Variants in FNDC3B observed in about 807,000 individuals in gnomAD.
The protein encoded by FNDC3B is fibronectin type III domain containing 3B, also known as fibronectin type III domain-containing protein 3B.
A neutral mutation model predicts 151.5 loss-of-function variants in FNDC3B; 12 were observed. That is an observed-to-expected ratio of 0.08 (90% CI 0.05 to 0.13). The LOEUF is 0.13. FNDC3B is among the 10% of genes least tolerant of loss of function. The pLI is 1.00. For synonymous variants in FNDC3B, 528 were observed against 549.0 expected (o/e 0.96, Z 0.54); for missense variants, 1,214 against 1,505.3 (o/e 0.81, Z 3.20).
In FNDC3B at chr3:172,093,133, A is replaced by G. The variant is rs139787677; in HGVS notation, c.-28-19319A>G. Among the ~76,000 whole-genome samples the G allele has an allele frequency of 3.0e-4, 45 of 150,850 alleles. 1 individual carries two copies. The highest frequency in any genetic ancestry group is 1.0e-3 in the African/African-American group (41 of 41,124). ...GCACCTGGCCAGAATCTTTTTTTAG[A>G]GACAGGATTGTCGCTCTGTTGCTCA... On this transcript the variant is annotated intron_variant, in intron 1 of 25. Transcript: ENST00000415807.
intron 3 of FNDC3B, among the ~76,000 whole-genome samples, chr3:172,166,897 T>A (rs894416243): frequency 2.0e-5 from 3 of 152,204 alleles, no homozygotes; most frequent in Non-Finnish European, 4.4e-5. Context: ...AAGATAATTT[T>A]AAAAAAGAAA....
At chr3:172,134,469 G>T (rs757158607) in intron 3 of FNDC3B, 2 of 485,692 alleles carry the variant, frequency 4.1e-6, no homozygotes, top group Non-Finnish European at 8.3e-6. Flanking sequence ...AATTGAACTG[G>T]AATCTAATCT....
Position 172,249,205 on chromosome 3 carries a change from G to A in FNDC3B, c.508+1429G>A, listed in dbSNP as rs566247547. ...TATCTGAGCTCTGATGACATGAAAG[G>A]CCTTGGTGACTGACTCATTGCTTGC... On this transcript the variant is annotated intron_variant, in intron 5 of 25. Transcript: ENST00000415807. 5.3e-5 allele frequency among the ~76,000 whole-genome samples: 8 copies of A among 152,182 alleles called. No homozygotes were observed. The South Asian group carries it at 1.5e-3, about 28-fold the overall frequency.
rs1733925930 is a variant in FNDC3B, at chr3:172,352,888, T to C, written c.2600T>C (p.Leu867Pro). 1.2e-6 allele frequency: 2 copies of C among 1,614,058 alleles called. No homozygotes were observed. Among genetic ancestry groups the C allele is most frequent in the African/African-American group, 2.7e-5 (2 of 74,928 alleles). The stretch of plus-strand genomic sequence containing the variant: ...TCTGCCCCTGACCCCGTCTCCACTC[T>C]CTGTGTCCTGGAGGAGGAGCCCCTT... ...PASAPDPVST[L>P]CVLEEEPLDA... The change falls in exon 22 of 26, where the codon CTC becomes CCC. Residue 867 changes from leucine to proline, a missense_variant. By Grantham distance (98) the Leu-to-Pro change is moderately conservative. Around this residue, in one of 7 missense-constraint regions of FNDC3B, gnomAD observed 380 missense variants for 420.9 expected, o/e 0.90. Transcript: ENST00000415807. This position sits in a 1 kb window ranked among gnomAD's most constrained non-coding sequence, Gnocchi z 4.2.
At chr3:172,338,902 A>C (rs1733134420) in intron 16 of FNDC3B, among the ~76,000 whole-genome samples, 1 of 151,644 alleles carries the variant, frequency 6.6e-6, no homozygotes, top group Admixed American at 6.6e-5. Context: ...AGGCCGGCTA[A>C]TTTTTTTTGA....
Position 172,251,363 on chromosome 3 carries a change from C to A in FNDC3B, c.612C>A (p.Asn204Lys), listed in dbSNP as rs1233349376. 1 of 1,614,146 alleles carries A rather than the reference C, an allele frequency of 6.2e-7. No individual in the cohort carries two copies. The highest frequency in any genetic ancestry group is 8.5e-7 in the Non-Finnish European group (1 of 1,180,018). Reference protein sequence around the residue: ...KLKDRQIDRQNRLNSPPSSIY... With the variant: ...KLKDRQIDRQKRLNSPPSSIY... ...AAGACCGCCAGATCGATCGCCAGAA[C>A]CGCCTCAACAGCCCTCCTTCTTCTA... Residue 204 changes from asparagine to lysine, a missense_variant, in exon 6 of 26, where the codon AAC becomes AAA. Asn to Lys is a moderately conservative substitution (Grantham distance 94). Coordinates refer to ENST00000415807, the MANE Select transcript of FNDC3B (RefSeq NM_022763.4).
chr3:172,042,460 C>CG (rs1716134245), intron 1 of FNDC3B, among the ~76,000 whole-genome samples: 1 of 152,020 alleles, frequency 6.6e-6, no homozygotes, highest in South Asian at 2.1e-4. Context: ...AAATGAGGCC[C>CG]GGGAAGGGAA....
intron 3 of FNDC3B, among the ~76,000 whole-genome samples, chr3:172,163,505 C>A (rs1722877046): frequency 6.6e-6 from 1 of 152,178 alleles, no homozygotes; most frequent in Admixed American, 6.5e-5. Flanking sequence ...AACACACACA[C>A]ATGCACGCAC....
At chr3:172,100,116 A>G (rs4894805) in intron 1 of FNDC3B, among the ~76,000 whole-genome samples, 100,820 of 152,056 alleles carry the variant, frequency 0.66, 33,644 homozygotes, top group East Asian at 0.78. Flanking sequence ...CATGCCTTTT[A>G]TACCAAAGCT....
intron 3 of FNDC3B, among the ~76,000 whole-genome samples, chr3:172,136,341 T>C (rs1319525692): frequency 6.6e-6 from 1 of 152,190 alleles, no homozygotes; most frequent in Non-Finnish European, 1.5e-5. Flanking sequence ...AAGTGAGATC[T>C]ACTGGTTGAG....
intron 23 of FNDC3B, among the ~76,000 whole-genome samples, chr3:172,375,849 C>T (rs1417616539): frequency 2.6e-5 from 4 of 152,120 alleles, no homozygotes; most frequent in Non-Finnish European, 5.9e-5. Flanking sequence ...TTCCCAAGTT[C>T]CTCTCCATGG....
chr3:172,320,878 G>A (rs1328876640), intron 11 of FNDC3B, among the ~76,000 whole-genome samples: 1 of 152,304 alleles, frequency 6.6e-6, no homozygotes, highest in Non-Finnish European at 1.5e-5. Context: ...AGGATACTAA[G>A]TTAGTAAAGA....
chr3:172,241,511 C>T (rs1727488054), intron 4 of FNDC3B, among the ~76,000 whole-genome samples: 1 of 151,460 alleles, frequency 6.6e-6, no homozygotes, highest in African/African-American at 2.4e-5. Flanking sequence ...GGATGCCTCA[C>T]AATCATGGTA....
intron 17 of FNDC3B, among the ~76,000 whole-genome samples, chr3:172,341,615 AC>A: frequency 6.6e-6 from 1 of 152,192 alleles, no homozygotes; most frequent in Non-Finnish European, 1.5e-5. Flanking sequence ...CACTGCTGTT[AC>A]CACATCTATC....
intron 2 of FNDC3B, among the ~76,000 whole-genome samples, chr3:172,117,388 C>T (rs1720312643): frequency 1.3e-5 from 2 of 152,154 alleles, no homozygotes; most frequent in Non-Finnish European, 1.5e-5. Flanking sequence ...GGTATATTAA[C>T]TTACCTGTGT....
At chr3:172,174,922 TTCCCCCCGCCA>T (rs1560001422) in intron 3 of FNDC3B, among the ~76,000 whole-genome samples, 10 of 40,118 alleles carry the variant, frequency 2.5e-4, no homozygotes, top group African/African-American at 7.9e-4. Flanking sequence ...TTTGGAGACC[TTCCCCCCGCCA>T]CCCCCCCCCC....
Position 172,360,429 on chromosome 3 carries a change from T to A in FNDC3B, c.2796-2204T>A, listed in dbSNP as rs984597762. ...TTCATTCTCTTAGCAGTGCAAAAGT[T>A]TCAAATTTTGATGAAATCCAGTTTT... On this transcript the variant is annotated intron_variant, in intron 22 of 25. Coordinates refer to ENST00000415807, the MANE Select transcript of FNDC3B (RefSeq NM_022763.4). Among the ~76,000 whole-genome samples the A allele has an allele frequency of 5.9e-5, 9 of 152,216 alleles. 1 individual carries two copies. The highest frequency in any genetic ancestry group is 1.9e-4 in the African/African-American group (8 of 41,460).
At chr3:172,320,153 G>A (rs1732011039) in intron 11 of FNDC3B, among the ~76,000 whole-genome samples, 1 of 152,174 alleles carries the variant, frequency 6.6e-6, no homozygotes, top group African/African-American at 2.4e-5. Flanking sequence ...GCCGAGGCAG[G>A]TGGATCACCT....
At chr3:172,150,996 T>C (rs1429604592) in intron 3 of FNDC3B, among the ~76,000 whole-genome samples, 2 of 152,224 alleles carry the variant, frequency 1.3e-5, no homozygotes, top group Non-Finnish European at 2.9e-5. Flanking sequence ...TATGAAAAAA[T>C]TGAGATAGCT....
Sources: allele counts gnomAD v4.1 joint callset (sites outside exome capture counted in the v4.1 genomes callset), GRCh38; gene constraint gnomAD v4.1.1; regional missense constraint gnomAD v4.1.1; non-coding constraint Gnocchi (gnomAD v3.1); transcripts MANE v1.5; gene names NCBI Gene and HGNC (gene_info 2026-07-23, HGNC 2026-07-21).